Variants in KIF26A observed in about 807,000 individuals in gnomAD.
KIF26A encodes the protein kinesin-like protein KIF26A.
KIF26A carries 74 observed loss-of-function variants against 126.0 expected under a neutral mutation model. The ratio of observed to expected loss-of-function variants is 0.59; its 90% confidence interval spans 0.49 to 0.71. The LOEUF (loss-of-function observed/expected upper bound fraction) is 0.71, where lower values mean the gene tolerates loss of function less well. KIF26A is among the 30% of genes least tolerant of loss of function. KIF26A has a pLI of 0.00. For synonymous variants in KIF26A, 1,445 were observed against 1,232.7 expected (o/e 1.17, Z -3.61); for missense variants, 2,984 against 2,763.3 (o/e 1.08, Z -1.79).
chr14:104,176,714 G>T lies in KIF26A; in HGVS notation c.3926G>T (p.Gly1309Val), dbSNP rs1309685166. Residue 1309 changes from glycine to valine, a missense_variant, in exon 12 of 15, where the codon GGT (glycine) becomes GTT (valine). Transcript: ENST00000423312. ...GCTCGGATCCCACCGCTGCGGAGGG[G>T]TGCCACCACGCTGGGTGTGACAACG... Reference protein sequence around the residue: ...AVARIPPLRRGATTLGVTTPA... With the variant: ...AVARIPPLRRVATTLGVTTPA... The T allele has an allele frequency of 3.2e-6, 5 of 1,586,010 alleles. No individual in the cohort carries two copies. The highest frequency in any genetic ancestry group is 3.4e-6 in the Non-Finnish European group (4 of 1,166,998).
rs1260231658 is a variant in KIF26A, at chr14:104,175,947, C to T, written c.3159C>T (p.Ser1053=). ...TTGCCGGAGCTGGGCGGCCCACCAG[C>T]CTGGCTAGCTTCGACAGTGACTGCT... ...GALAGAGRPT[S]LASFDSDCSL... is the part of the protein sequence containing the mutation. Residue 1053 remains serine (S), a synonymous_variant, in exon 12 of 15, where the codon AGC becomes AGT. Coordinates refer to ENST00000423312, the MANE Select transcript of KIF26A (RefSeq NM_015656.2). 2.6e-6 allele frequency: 4 copies of T among 1,564,326 alleles called. No homozygotes were observed. The highest frequency in any genetic ancestry group is 3.7e-5 in the Admixed American group (2 of 54,782).
In KIF26A at chr14:104,173,474, G is replaced by A. The variant is rs768622231; in HGVS notation, c.1828G>A (p.Val610Ile). 3.1e-5 allele frequency: 49 copies of A among 1,586,178 alleles called. No homozygotes were observed. The highest frequency in any genetic ancestry group is 4.0e-5 in the Non-Finnish European group (47 of 1,163,278). The change falls in exon 9 of 15, where the codon GTC (valine) becomes ATC (isoleucine). Residue 610 changes from valine to isoleucine, a missense_variant. Physicochemically the swap from Val to Ile is conservative, Grantham distance 29. Coordinates refer to ENST00000423312, the MANE Select transcript of KIF26A (RefSeq NM_015656.2). Reference sequence around the variant, plus strand: ...CTCCCACATGTTGTTCACGCTGCACGTCTACCAGTACCGCATGGAGAAGTG... The same window carrying A: ...CTCCCACATGTTGTTCACGCTGCACATCTACCAGTACCGCATGGAGAAGTG... ...RSSHMLFTLH[V>I]YQYRMEKCGR... is the part of the protein sequence containing the mutation.
At chr14:104,172,712 C>A in intron 7 of KIF26A, 44 bp downstream of exon 7, 2 of 1,417,550 alleles carry the variant, frequency 1.4e-6, no homozygotes, top group Non-Finnish European at 9.8e-7. Context: ...GCTGGCCACC[C>A]CCTCCCATCC....
Position 104,179,874 on chromosome 14 carries a change from CG to C in KIF26A, c.*90del, listed in dbSNP as rs57249314. Reference sequence around the variant, plus strand: ...CGGAGCGAGGATGTGGTGGGGGCTGCGGGGGGAGGATGCGGAGGGGTTTCTG... The same window carrying C: ...CGGAGCGAGGATGTGGTGGGGGCTGCGGGGGAGGATGCGGAGGGGTTTCTG... On this transcript the variant is annotated 3_prime_UTR_variant, in exon 15 of 15. Transcript: ENST00000423312. 4.6e-6 allele frequency: 5 copies of C among 1,076,752 alleles called. No individual in the cohort carries two copies. Among genetic ancestry groups the C allele is most frequent in the East Asian group, 3.4e-5 (1 of 29,302 alleles). 66.7% of individuals were successfully genotyped at this position (1,076,752 alleles called of 1,614,324 possible). A position where few individuals can be genotyped will look rare whatever the true frequency, so the allele number is the denominator to read the frequency against.
rs746751855 is a variant in KIF26A, at chr14:104,176,338, G to C, written c.3550G>C (p.Ala1184Pro). 1 of 1,583,102 alleles carries C rather than the reference G, an allele frequency of 6.3e-7. No individual in the cohort carries two copies. Among genetic ancestry groups the C allele is most frequent in the Non-Finnish European group, 8.6e-7 (1 of 1,161,568 alleles). Residue 1184 changes from alanine (A) to proline (P), a missense_variant, in exon 12 of 15, where the codon GCC (alanine) becomes CCC (proline). Coordinates refer to ENST00000423312, the MANE Select transcript of KIF26A (RefSeq NM_015656.2). The stretch of plus-strand genomic sequence containing the variant: ...GTGCCCTGGGGAAGTGGCTGCAGTG[G>C]CCCCATCCCGACCCGGCAGGGAGCC... The part of the protein sequence containing the change: ...GPCPGEVAAV[A>P]PSRPGREPQA...
At position 104,174,489 on chromosome 14, in the gene KIF26A, G is replaced by A. The variant is rs909303946; in HGVS notation, c.2193+179G>A. Among the ~76,000 whole-genome samples, 9 of 152,260 alleles carry A rather than the reference G, an allele frequency of 5.9e-5. No homozygotes were observed. The East Asian group carries it at 7.8e-4, about 13-fold the overall frequency. ...TGTGGCCCTCCCTGGGGGGTGGGGAGCCCAGCCTGAGGTCCCTGGCTGCAG... is the reference window on the plus strand; with the variant it reads ...TGTGGCCCTCCCTGGGGGGTGGGGAACCCAGCCTGAGGTCCCTGGCTGCAG... On this transcript the variant is annotated intron_variant, in intron 11 of 14. Coordinates refer to ENST00000423312, the MANE Select transcript of KIF26A (RefSeq NM_015656.2).
chr14:104,155,245 G>T (rs1451070392), intron 3 of KIF26A, among the ~76,000 whole-genome samples: 6 of 152,152 alleles, frequency 3.9e-5, no homozygotes, highest in African/African-American at 1.4e-4. Context: ...GTCTTTCACG[G>T]GCCAGAACCT....
At chr14:104,157,703 A>G in intron 3 of KIF26A, 52 bp from the exon 4 acceptor site, 1 of 1,559,432 alleles carries the variant, frequency 6.4e-7, no homozygotes, top group Non-Finnish European at 8.7e-7. Flanking sequence ...GCCAGGGGGC[A>G]GTGGTGTCTC....
At chr14:104,153,661 G>T (rs1409664236) in intron 3 of KIF26A, among the ~76,000 whole-genome samples, 1 of 152,060 alleles carries the variant, frequency 6.6e-6, no homozygotes, top group African/African-American at 2.4e-5. Flanking sequence ...GGGAGGGGTG[G>T]GCGGGGATGG....
intron 4 of KIF26A, among the ~76,000 whole-genome samples, chr14:104,164,965 C>G (rs1439506600): frequency 6.6e-6 from 1 of 150,410 alleles, no homozygotes; most frequent in East Asian, 2.0e-4. Context: ...ATATGTGTCT[C>G]TATGTGTGCG....
chr14:104,175,523 C>G lies in KIF26A; in HGVS notation c.2735C>G (p.Pro912Arg), dbSNP rs7149769. The G allele has an allele frequency of 6.2e-5, 100 of 1,600,042 alleles. No individual in the cohort carries two copies. The African/African-American group carries it at 1.2e-3, about 19-fold the overall frequency. ...GGTCCAGACACCCACCAGGGTACCC[C>G]TGAGCCCTGCAAGGCCATTGTCTGG... Reference protein sequence around the residue: ...SSGPDTHQGTPEPCKAIVWGD... With the variant: ...SSGPDTHQGTREPCKAIVWGD... Residue 912 changes from proline to arginine, a missense_variant, in exon 12 of 15, where the codon CCT (proline) becomes CGT (arginine). Coordinates refer to ENST00000423312, the MANE Select transcript of KIF26A (RefSeq NM_015656.2).
At chr14:104,174,846 T>C (rs2141116981) in intron 11 of KIF26A, 136 bp from the exon 12 acceptor site, 1 of 900,078 alleles carries the variant, frequency 1.1e-6, no homozygotes, top group Middle Eastern at 3.0e-4. Context: ...CAGCGTTTGG[T>C]GGGACATGGT....
In KIF26A at chr14:104,165,313, G is replaced by A. The variant is rs556019295; in HGVS notation, c.924-1546G>A. On this transcript the variant is annotated intron_variant, in intron 4 of 14. Coordinates refer to ENST00000423312, the MANE Select transcript of KIF26A (RefSeq NM_015656.2). ...TCTCTGTATGCATGTGTGTCTGTGTGTCTCTATGCATGTGTGCGTCTGTGT... is the reference window on the plus strand; with the variant it reads ...TCTCTGTATGCATGTGTGTCTGTGTATCTCTATGCATGTGTGCGTCTGTGT... Among the ~76,000 whole-genome samples the A allele has an allele frequency of 3.3e-5, 5 of 150,490 alleles. No individual in the cohort carries two copies. In the East Asian group the frequency reaches 9.8e-4, roughly 30 times the overall value.
chr14:104,164,154 G>C (rs1387214827), intron 4 of KIF26A, among the ~76,000 whole-genome samples: 1 of 152,200 alleles, frequency 6.6e-6, no homozygotes, highest in African/African-American at 2.4e-5. Context: ...CGCCGCAGTG[G>C]GGGCAGCGAG....
At chr14:104,166,723 G>A (rs1052681948) in intron 4 of KIF26A, 136 bp from the exon 5 acceptor site, 12 of 836,100 alleles carry the variant, frequency 1.4e-5, no homozygotes, top group African/African-American at 5.2e-5. Context: ...AGGCCTCCCA[G>A]CCACATTTTG....
At chr14:104,155,265 G>A (rs1000818390) in intron 3 of KIF26A, among the ~76,000 whole-genome samples, 1 of 152,300 alleles carries the variant, frequency 6.6e-6, no homozygotes, top group East Asian at 1.9e-4. Flanking sequence ...TTACAGATGC[G>A]TTTGGGCCTG....
chr14:104,176,610 G>T lies in KIF26A; in HGVS notation c.3822G>T (p.Gln1274His). The T allele has an allele frequency of 6.2e-7, 1 of 1,609,142 alleles. No individual in the cohort carries two copies. The stretch of plus-strand genomic sequence containing the variant: ...GCTCCCCCCGGCTGCCTGAGGCCCA[G>T]GTGATGCTAGCCTGTGCCCAGAGAG... The part of the protein sequence containing the change: ...TLGSPRLPEA[Q>H]VMLACAQRVV... Residue 1274 changes from glutamine to histidine, a missense_variant, in exon 12 of 15, where the codon CAG becomes CAT. Coordinates refer to ENST00000423312, the MANE Select transcript of KIF26A (RefSeq NM_015656.2).
rs1217039561 is a variant in KIF26A, at chr14:104,173,347, G to C, written c.1701G>C (p.Glu567Asp). ...VCGAQLQNQS[E>D]LRAPTAEKAA... ...TCCTGCAGCTCCAGAACCAAAGCGA[G>C]CTGCGGGCACCCACGGCCGAGAAGG... The change falls in exon 9 of 15, where the codon GAG (glutamate) becomes GAC (aspartate). Residue 567 changes from glutamate (E) to aspartate (D), a missense_variant. Coordinates refer to ENST00000423312, the MANE Select transcript of KIF26A (RefSeq NM_015656.2). The C allele has an allele frequency of 1.9e-6, 3 of 1,605,436 alleles. No homozygotes were observed. The highest frequency in any genetic ancestry group is 2.5e-6 in the Non-Finnish European group (3 of 1,176,528).
intron 4 of KIF26A, among the ~76,000 whole-genome samples, chr14:104,161,329 C>T (rs2037830917): frequency 6.6e-6 from 1 of 152,076 alleles, no homozygotes; most frequent in African/African-American, 2.4e-5. Context: ...GGGTGGGGCT[C>T]CGTCCACCAG....
Sources: allele counts gnomAD v4.1 joint callset (sites outside exome capture counted in the v4.1 genomes callset), GRCh38; gene constraint gnomAD v4.1.1; transcripts MANE v1.5; gene names NCBI Gene and HGNC (gene_info 2026-07-23, HGNC 2026-07-21).